SPATA33: variants seen among roughly 807,000 people sequenced by gnomAD.
The protein encoded by SPATA33 is spermatogenesis-associated protein 33.
In SPATA33, 10 loss-of-function variants were observed where a neutral mutation model predicts 8.9. The observed-to-expected ratio is 1.12, with a 90% CI of 0.69 to 1.90. The LOEUF (loss-of-function observed/expected upper bound fraction) is 1.90. Ranked by LOEUF, SPATA33 falls within the 40% of genes most tolerant of loss-of-function variation. The pLI, the probability that SPATA33 is intolerant of heterozygous loss-of-function variation, is 0.00. For synonymous variants in SPATA33, 96 were observed against 72.8 expected, an observed-to-expected ratio of 1.32 and a Z score of -1.63; for missense variants, 241 against 178.3, an observed-to-expected ratio of 1.35 and a Z score of -2.00.
Position 89,658,261 on chromosome 16 carries a change from G to C in SPATA33, c.51G>C (p.Lys17Asn). Residue 17 changes from lysine to asparagine, a missense_variant, in exon 2 of 3, where the codon AAG becomes AAC. Coordinates refer to ENST00000579310, the MANE Select transcript of SPATA33 (RefSeq NM_001271907.2). ...CATATATTTCAGGTGAGGAGCAAAAGAAGGGATCCACCTATTCAGTTCCAA... is the reference window on the plus strand; with the variant it reads ...CATATATTTCAGGTGAGGAGCAAAACAAGGGATCCACCTATTCAGTTCCAA... ...KEKPRKGEEQ[K>N]KGSTYSVPKS... 6.2e-7 allele frequency: 1 copy of C among 1,614,194 alleles called. No individual in the cohort carries two copies. Among genetic ancestry groups the C allele is most frequent in the Non-Finnish European group, 8.5e-7 (1 of 1,180,024 alleles).
chr16:89,665,214 C>T (rs780562225), intron 2 of SPATA33, among the ~76,000 whole-genome samples: 2 of 152,128 alleles, frequency 1.3e-5, no homozygotes, highest in African/African-American at 4.8e-5. Flanking sequence ...AGGCTGGTCT[C>T]GAACTCCAGA....
At position 89,670,068 on chromosome 16, in the gene SPATA33, CCG is replaced by C; in HGVS notation, c.*572_*573del. On this transcript the variant is annotated 3_prime_UTR_variant, in exon 3 of 3. Coordinates refer to ENST00000579310, the MANE Select transcript of SPATA33 (RefSeq NM_001271907.2). ...CAGGGCCACCCCACCCTGTGAGAAGCCGTGGCCCCCTTCTCCAGTGCTTTCGG... is the reference window on the plus strand; with the variant it reads ...CAGGGCCACCCCACCCTGTGAGAAGCTGGCCCCCTTCTCCAGTGCTTTCGG... 6.6e-6 allele frequency: 1 copy of C among 150,442 alleles called. No homozygotes were observed. Among genetic ancestry groups the C allele is most frequent in the Non-Finnish European group, 1.4e-5 (1 of 69,396 alleles). 9.3% of individuals were successfully genotyped at this position (150,442 alleles called of 1,614,324 possible).
intron 2 of SPATA33, chr16:89,660,195 C>T (rs192971890): frequency 9.6e-5 from 23 of 238,392 alleles, no homozygotes; most frequent in African/African-American, 4.9e-4. Context: ...GAGTGTACAG[C>T]CCCCCACACG....
In SPATA33 at chr16:89,658,438, G is replaced by A. The variant is rs1369705926; in HGVS notation, c.211+17G>A. On this transcript the variant is annotated intron_variant, in intron 2 of 2. Transcript: ENST00000579310. ...CGCTGGAAGGTAGGAGACGGCGGGAGGGAGCGAAGCGAGGTCAGTGGCTTG... is the reference window on the plus strand; with the variant it reads ...CGCTGGAAGGTAGGAGACGGCGGGAAGGAGCGAAGCGAGGTCAGTGGCTTG... 1.9e-6 allele frequency: 3 copies of A among 1,588,422 alleles called. No individual in the cohort carries two copies. The highest frequency in any genetic ancestry group is 2.6e-6 in the Non-Finnish European group (3 of 1,168,340).
At chr16:89,659,130 C>T (rs1352041060) in intron 2 of SPATA33, 1 of 149,538 alleles carries the variant, frequency 6.7e-6, no homozygotes, top group East Asian at 1.9e-4. Flanking sequence ...GAGACCCTGT[C>T]TCTACAAAAA....
intron 2 of SPATA33, among the ~76,000 whole-genome samples, chr16:89,664,952 G>T (rs897838236): frequency 1.3e-5 from 2 of 152,220 alleles, no homozygotes; most frequent in Non-Finnish European, 2.9e-5. Context: ...TTGTTGTGCA[G>T]CAATAGAAGT....
Position 89,658,685 on chromosome 16 carries a change from T to A in SPATA33, c.211+264T>A, listed in dbSNP as rs1310349770. 7.8e-6 allele frequency: 4 copies of A among 515,100 alleles called. No homozygotes were observed. The East Asian group carries it at 1.4e-4, about 17-fold the overall frequency. 31.9% of individuals were successfully genotyped at this position (515,100 alleles called of 1,614,324 possible). A position where few individuals can be genotyped will look rare whatever the true frequency, so the allele number is the denominator to read the frequency against. ...GGTCGAGGGGCTGGGGCAGTGTGCG[T>A]GTGTCTCACCTGAGGTTCTCCTCGA... On this transcript the variant is annotated intron_variant, in intron 2 of 2. Transcript: ENST00000579310.
chr16:89,666,182 A>C (rs188360858), intron 2 of SPATA33, among the ~76,000 whole-genome samples: 1 of 152,144 alleles, frequency 6.6e-6, no homozygotes, highest in South Asian at 2.1e-4. Context: ...GTTAGAGTAA[A>C]AAAAAGCCAG....
Position 89,669,472 on chromosome 16 carries a change from C to T in SPATA33, c.398C>T (p.Ala133Val). 6.2e-7 allele frequency: 1 copy of T among 1,613,158 alleles called. No individual in the cohort carries two copies. The highest frequency in any genetic ancestry group is 1.1e-5 in the South Asian group (1 of 91,040). ...CACAGGAACCCCAGTACAGCAGACG[C>T]CTATAATTCACATCTCAAAGAATAA... Reference protein sequence around the residue: ...RRHRNPSTADAYNSHLKE With the variant: ...RRHRNPSTADVYNSHLKE Residue 133 changes from alanine to valine, a missense_variant, in exon 3 of 3, where the codon GCC (alanine) becomes GTC (valine). Coordinates refer to ENST00000579310, the MANE Select transcript of SPATA33 (RefSeq NM_001271907.2).
chr16:89,661,753 C>T (rs998074429), intron 2 of SPATA33, among the ~76,000 whole-genome samples: 3 of 152,122 alleles, frequency 2.0e-5, no homozygotes, highest in Non-Finnish European at 2.9e-5. Flanking sequence ...GAAATCTGAG[C>T]GACCTAGACC....
Position 89,664,628 on chromosome 16 carries a change from C to G in SPATA33, c.212-4658C>G, listed in dbSNP as rs2060002246. Among the ~76,000 whole-genome samples, 4 of 149,820 alleles carry G rather than the reference C, an allele frequency of 2.7e-5. 1 individual carries two copies. The highest frequency in any genetic ancestry group is 7.3e-5 in the African/African-American group (3 of 40,968). ...GAGGCTCTTTAGGGCCCGACCTGAT[C>G]AGGGAAGCCAGACAGTAAAAGTGTC... On this transcript the variant is annotated intron_variant, in intron 2 of 2. Transcript: ENST00000579310.
At chr16:89,665,305 ATTTC>A (rs1567492109) in intron 2 of SPATA33, among the ~76,000 whole-genome samples, 1 of 142,012 alleles carries the variant, frequency 7.0e-6, no homozygotes, top group East Asian at 2.1e-4. Flanking sequence ...CAAGATTAAT[ATTTC>A]TTTTTTTTTT....
chr16:89,661,631 A>C (rs1369788775), intron 2 of SPATA33: 12 of 152,196 alleles, frequency 7.9e-5, no homozygotes. Flanking sequence ...ATTCACAAAC[A>C]TACAAACATT....
intron 1 of SPATA33, 119 bp from the exon 2 acceptor site, chr16:89,658,129 C>T: frequency 2.0e-6 from 3 of 1,526,528 alleles, no homozygotes; most frequent in Non-Finnish European, 1.8e-6. Context: ...TACGGAAACG[C>T]GGAGACTCGA....
chr16:89,662,630 T>C (rs746493258), intron 2 of SPATA33, among the ~76,000 whole-genome samples: 4 of 152,138 alleles, frequency 2.6e-5, no homozygotes, highest in Non-Finnish European at 5.9e-5. Flanking sequence ...TTTCGCCACG[T>C]TGGCTAGGCT....
At chr16:89,662,751 G>A (rs575908092) in intron 2 of SPATA33, among the ~76,000 whole-genome samples, 77 of 151,722 alleles carry the variant, frequency 5.1e-4, no homozygotes, top group African/African-American at 1.5e-3. Context: ...GATCACAGGC[G>A]TGAGCCACCA....
rs770080204 is a variant in SPATA33 at position 89,658,313 on chromosome 16, C to G, written c.103C>G (p.His35Asp). The change falls in exon 2 of 3, where the codon CAT becomes GAT. Residue 35 changes from histidine to aspartate, a missense_variant. Physicochemically the swap from His to Asp is moderately conservative, Grantham distance 81. Coordinates refer to ENST00000579310, the MANE Select transcript of SPATA33 (RefSeq NM_001271907.2). ...PKSKEKLMEKHSQEARQADRE... is the reference protein window; with the variant it reads ...PKSKEKLMEKDSQEARQADRE... ...ATCTAAGGAGAAGTTGATGGAGAAG[C>G]ATTCCCAGGAAGCCAGGCAGGCAGA... is the stretch of plus-strand genomic sequence containing the variant. The G allele has an allele frequency of 6.2e-7, 1 of 1,614,172 alleles. No homozygotes were observed. Among genetic ancestry groups the G allele is most frequent in the Non-Finnish European group, 8.5e-7 (1 of 1,180,042 alleles).
chr16:89,661,644 A>G (rs919394558), intron 2 of SPATA33: 14 of 152,206 alleles, frequency 9.2e-5, no homozygotes, highest in Admixed American at 3.3e-4. Flanking sequence ...CAAACATTAT[A>G]GAGAACTAAC....
At chr16:89,661,981 A>T (rs72807504) in intron 2 of SPATA33, among the ~76,000 whole-genome samples, 2,244 of 152,238 alleles carry the variant, frequency 0.015, 30 homozygotes, top group South Asian at 0.039. Context: ...GTAAAATCAT[A>T]TGTCTGAAAT....
Sources: gnomAD v4.1 joint callset for allele counts (sites outside exome capture counted in the v4.1 genomes callset) on GRCh38, gnomAD v4.1.1 for gene constraint, MANE v1.5 for transcripts, NCBI Gene and HGNC (gene_info 2026-07-23, HGNC 2026-07-21) for gene names.